ADAMTS4: variants seen among roughly 807,000 people sequenced by gnomAD.
ADAMTS4 encodes the protein ADAM metallopeptidase with thrombospondin type 1 motif 4.
ADAMTS4 carries 38 observed loss-of-function variants against 66.7 expected under a neutral mutation model. The ratio of observed to expected loss-of-function variants is 0.57; its 90% confidence interval spans 0.44 to 0.75. The LOEUF is 0.75. Ranked by LOEUF, ADAMTS4 falls within the 30% of genes least tolerant of loss-of-function variation. The probability of loss-of-function intolerance (pLI) is 0.00; values close to 1 mark genes in which losing one functional copy is unlikely to be tolerated. For missense variants in ADAMTS4, 1,014 were observed against 1,116.7 expected (o/e 0.91, Z 1.31); for synonymous variants, 418 against 461.5 (o/e 0.91, Z 1.21).
At position 161,191,239 on chromosome 1, in the gene ADAMTS4, G is replaced by A. The variant is rs1251786757; in HGVS notation, c.2413C>T (p.Pro805Ser). 9 of 1,613,466 alleles carry A rather than the reference G, an allele frequency of 5.6e-6. No individual in the cohort carries two copies. Among genetic ancestry groups the A allele is most frequent in the Non-Finnish European group, 6.8e-6 (8 of 1,179,786 alleles). Residue 805 changes from proline (P) to serine (S), a missense_variant, in exon 9 of 9, where the codon CCG becomes TCG. Pro to Ser is a moderately conservative substitution (Grantham distance 74). Transcript: ENST00000367996. ...RLRYSFFVPR[P>S]TPSTPRPTPQ... ...GTGGGGCGTGGCGTTGAAGGGGTCG[G>A]CCGGGGCACGAAGAAGCTGTATCGG...
At position 161,193,296 on chromosome 1, in the gene ADAMTS4, A is replaced by G; in HGVS notation, c.1828T>C (p.Tyr610His). ...FPGPMDWVPRYTGVAPQDQCK... is the reference protein window; with the variant it reads ...FPGPMDWVPRHTGVAPQDQCK... Reference sequence around the variant, plus strand: ...TGGTCCTGGGGGGCCACGCCTGTGTAGCGAGGAACCCAGTCCATGGGCCCT... The same window carrying G: ...TGGTCCTGGGGGGCCACGCCTGTGTGGCGAGGAACCCAGTCCATGGGCCCT... Residue 610 changes from tyrosine (Y) to histidine (H), a missense_variant, in exon 7 of 9, where the codon TAC becomes CAC. Tyr to His is a moderately conservative substitution (Grantham distance 83, BLOSUM62 2). Transcript: ENST00000367996. The surrounding 1 kb of genome is among the most constrained non-coding windows in gnomAD (Gnocchi z 4.4). The G allele has an allele frequency of 1.9e-6, 3 of 1,614,086 alleles. No homozygotes were observed. Among genetic ancestry groups the G allele is most frequent in the Non-Finnish European group, 2.5e-6 (3 of 1,179,998 alleles).
At position 161,193,244 on chromosome 1, in the gene ADAMTS4, G is replaced by A; in HGVS notation, c.1880C>T (p.Ala627Val). 1 of 1,613,932 alleles carries A rather than the reference G, an allele frequency of 6.2e-7. No individual in the cohort carries two copies. The highest frequency in any genetic ancestry group is 8.5e-7 in the Non-Finnish European group (1 of 1,179,952). ...DQCKLTCQAQ[A>V]LGYYYVLEPR... is the part of the protein sequence containing the mutation. ...CTCCAGCACATAGTAGTAGCCCAGT[G>A]CCTGGGCCTGGCAGGTGAGTTTGCA... The change falls in exon 7 of 9, where the codon GCA becomes GTA. Residue 627 changes from alanine to valine, a missense_variant. Transcript: ENST00000367996. This position sits in a 1 kb window ranked among gnomAD's most constrained non-coding sequence, Gnocchi z 4.4.
rs1664809330 is a variant in ADAMTS4, at chr1:161,195,871, C to A, written c.1091-236G>T. On this transcript the variant is annotated intron_variant, in intron 3 of 8. Transcript: ENST00000367996. ...CCTCCCTACCCACTTTTCCTTATAG[C>A]CAACATTCCCAACTGTGACCCCACC... 2.5e-5 allele frequency: 14 copies of A among 558,438 alleles called. No homozygotes were observed. In the South Asian group the frequency reaches 3.4e-4, roughly 14 times the overall value. The allele number at this position is 558,438 out of a possible 1,614,324, so 34.6% of individuals were successfully genotyped here.
rs373890294 is a variant in ADAMTS4, at chr1:161,188,883, A to AATATATATATATATATATATATACC, written c.*2254_*2255insGGTATATATATATATATATATATAT. On this transcript the variant is annotated 3_prime_UTR_variant, in exon 9 of 9. Coordinates refer to ENST00000367996, the MANE Select transcript of ADAMTS4 (RefSeq NM_005099.6). ...TAGGCACCTGTCACCATGCCCGGCT[A>AATATATATATATATATATATATACC]ATATATATATATATATATATATATA... 2.3e-4 allele frequency: 16 copies of AATATATATATATATATATATATACC among 68,320 alleles called. 1 individual carries two copies. Among genetic ancestry groups the AATATATATATATATATATATATACC allele is most frequent in the African/African-American group, 8.4e-4 (16 of 19,160 alleles). The allele number at this position is 68,320 out of a possible 1,614,324, so 4.2% of individuals were successfully genotyped here. A position where few individuals can be genotyped will look rare whatever the true frequency, so the allele number is the denominator to read the frequency against.
chr1:161,188,777 G>A lies in ADAMTS4; in HGVS notation c.*2361C>T, dbSNP rs1235517184. ...CTGTCTCCCAGGCTGGAGTGCAGTG[G>A]CGCAATCTCGACTCACTGTAAGCTC... is the stretch of plus-strand genomic sequence containing the variant. On this transcript the variant is annotated 3_prime_UTR_variant, in exon 9 of 9. Transcript: ENST00000367996. The A allele has an allele frequency of 6.7e-6, 1 of 149,566 alleles. No individual in the cohort carries two copies. Among genetic ancestry groups the A allele is most frequent in the African/African-American group, 2.5e-5 (1 of 40,582 alleles). The allele number at this position is 149,566 out of a possible 1,614,324, so 9.3% of individuals were successfully genotyped here.
chr1:161,191,715 C>T (rs950656020), intron 8 of ADAMTS4, 151 bp from the exon 9 acceptor site: 68 of 817,982 alleles, frequency 8.3e-5, no homozygotes, highest in Non-Finnish European at 4.9e-5. Flanking sequence ...GAGCTACATG[C>T]ACATGTGCCC....
chr1:161,184,649 T>C lies in ADAMTS4; in HGVS notation c.*6489A>G, dbSNP rs958947794. 1.3e-5 allele frequency: 2 copies of C among 152,192 alleles called. No individual in the cohort carries two copies. The highest frequency in any genetic ancestry group is 4.8e-5 in the African/African-American group (2 of 41,442). The allele number at this position is 152,192 out of a possible 1,614,324, so 9.4% of individuals were successfully genotyped here. On this transcript the variant is annotated 3_prime_UTR_variant, in exon 9 of 9. Coordinates refer to ENST00000367996, the MANE Select transcript of ADAMTS4 (RefSeq NM_005099.6). ...CACGATTAGGTCAATTAATATCTTT[T>C]ACTCTTCAGATCCATTTTCAGGTGA...
Position 161,191,106 on chromosome 1 carries a change from G to T in ADAMTS4, c.*32C>A. ...TTCTCCCAGCTAAGTCCGAGGCCCC[G>T]GTGCCCAGAAAGGGCAGCCGGGATA... is the stretch of plus-strand genomic sequence containing the variant. On this transcript the variant is annotated 3_prime_UTR_variant, in exon 9 of 9. Transcript: ENST00000367996. 1 of 1,514,914 alleles carries T rather than the reference G, an allele frequency of 6.6e-7. No individual in the cohort carries two copies. 93.8% of individuals were successfully genotyped at this position (1,514,914 alleles called of 1,614,324 possible).
intron 8 of ADAMTS4, 110 bp from the exon 9 acceptor site, chr1:161,191,674 C>A: frequency 1.8e-6 from 2 of 1,142,750 alleles, no homozygotes; most frequent in South Asian, 1.5e-5. Context: ...GGCTGTCACC[C>A]AATCCTATGT....
rs1309645427 is a variant in ADAMTS4 at position 161,198,857 on chromosome 1, C to G, written c.-230G>C. The G allele has an allele frequency of 1.1e-5, 5 of 465,236 alleles. No individual in the cohort carries two copies. Among genetic ancestry groups the G allele is most frequent in the Non-Finnish European group, 1.9e-5 (5 of 264,848 alleles). 28.8% of individuals were successfully genotyped at this position (465,236 alleles called of 1,614,324 possible). A position where few individuals can be genotyped will look rare whatever the true frequency, so the allele number is the denominator to read the frequency against. ...GCTTCTCCAAACTCTCCTCCTGAGC[C>G]CTCCTTTCCTGGATCTTTGTCTCTC... On this transcript the variant is annotated 5_prime_UTR_variant, in exon 1 of 9. Transcript: ENST00000367996. The surrounding 1 kb of genome is among the most constrained non-coding windows in gnomAD (Gnocchi z 4.7).
intron 8 of ADAMTS4, 30 bp from the exon 9 acceptor site, chr1:161,191,594 G>C (rs1370427230): frequency 1.3e-6 from 2 of 1,572,742 alleles, no homozygotes; most frequent in South Asian, 2.3e-5. Context: ...GGGGAGCTCA[G>C]GATCACCTGA....
At position 161,191,249 on chromosome 1, in the gene ADAMTS4, G is replaced by C; in HGVS notation, c.2403C>G (p.Phe801Leu). Residue 801 changes from phenylalanine to leucine, a missense_variant, in exon 9 of 9, where the codon TTC becomes TTG. Physicochemically the swap from Phe to Leu is conservative, Grantham distance 22. Coordinates refer to ENST00000367996, the MANE Select transcript of ADAMTS4 (RefSeq NM_005099.6). ...PQDTRLRYSF[F>L]VPRPTPSTPR... ...GCGTTGAAGGGGTCGGCCGGGGCAC[G>C]AAGAAGCTGTATCGGAGGCGTGTGT... is the stretch of plus-strand genomic sequence containing the variant. 6.2e-7 allele frequency: 1 copy of C among 1,613,666 alleles called. No individual in the cohort carries two copies. Among genetic ancestry groups the C allele is most frequent in the Non-Finnish European group, 8.5e-7 (1 of 1,179,906 alleles).
At position 161,198,393 on chromosome 1, in the gene ADAMTS4, C is replaced by T; in HGVS notation, c.235G>A (p.Ala79Thr). The change falls in exon 1 of 9, where the codon GCC becomes ACC. Residue 79 changes from alanine (A) to threonine (T), a missense_variant. By Grantham distance (58) the Ala-to-Thr change is moderately conservative. Coordinates refer to ENST00000367996, the MANE Select transcript of ADAMTS4 (RefSeq NM_005099.6). The surrounding 1 kb of genome is among the most constrained non-coding windows in gnomAD (Gnocchi z 4.7). ...GSVLPGSGAPARLLCRLQAFG... is the reference protein window; with the variant it reads ...GSVLPGSGAPTRLLCRLQAFG... Reference sequence around the variant, plus strand: ...GCCTGCAAGCGGCACAACAGCCTGGCAGGGGCGCCCGAGCCAGGCAGGACG... The same window carrying T: ...GCCTGCAAGCGGCACAACAGCCTGGTAGGGGCGCCCGAGCCAGGCAGGACG... The T allele has an allele frequency of 1.2e-6, 2 of 1,609,964 alleles. No homozygotes were observed. The highest frequency in any genetic ancestry group is 1.1e-5 in the South Asian group (1 of 90,720).
In ADAMTS4 at chr1:161,188,930, G is replaced by A. The variant is rs1664599645; in HGVS notation, c.*2208C>T. ...TATATTTTGTATTTTTAGTAGACAC[G>A]GGGTTTCACTGTGGTAGCCAGGATG... On this transcript the variant is annotated 3_prime_UTR_variant, in exon 9 of 9. Coordinates refer to ENST00000367996, the MANE Select transcript of ADAMTS4 (RefSeq NM_005099.6). 1 of 97,196 alleles carries A rather than the reference G, an allele frequency of 1.0e-5. No individual in the cohort carries two copies. The highest frequency in any genetic ancestry group is 4.3e-4 in the East Asian group (1 of 2,302). The allele number at this position is 97,196 out of a possible 1,614,324, so 6.0% of individuals were successfully genotyped here. A position where few individuals can be genotyped will look rare whatever the true frequency, so the allele number is the denominator to read the frequency against.
chr1:161,196,476 C>A, intron 2 of ADAMTS4, 81 bp downstream of exon 2: 1 of 1,527,760 alleles, frequency 6.5e-7, no homozygotes, highest in Non-Finnish European at 8.9e-7. Context: ...ACTCCAGGAA[C>A]ATCATTTGCA....
rs1464936450 is a variant in ADAMTS4, at chr1:161,190,520, A to AG, written c.*617_*618insC. On this transcript the variant is annotated 3_prime_UTR_variant, in exon 9 of 9. Coordinates refer to ENST00000367996, the MANE Select transcript of ADAMTS4 (RefSeq NM_005099.6). ...AGAGCGAGATTCTGTCTCAAAAAAA[A>AG]AAAAGAAAGAAAGAAAGAAAAAAAA... 1 of 150,198 alleles carries AG rather than the reference A, an allele frequency of 6.7e-6. No homozygotes were observed. The highest frequency in any genetic ancestry group is 1.5e-5 in the Non-Finnish European group (1 of 67,318). The allele number at this position is 150,198 out of a possible 1,614,324, so 9.3% of individuals were successfully genotyped here. A position where few individuals can be genotyped will look rare whatever the true frequency, so the allele number is the denominator to read the frequency against.
At position 161,190,333 on chromosome 1, in the gene ADAMTS4, G is replaced by A. The variant is rs1664632782; in HGVS notation, c.*805C>T. 6.6e-6 allele frequency: 1 copy of A among 150,404 alleles called. No homozygotes were observed. Among genetic ancestry groups the A allele is most frequent in the African/African-American group, 2.5e-5 (1 of 40,720 alleles). 9.3% of individuals were successfully genotyped at this position (150,404 alleles called of 1,614,324 possible). A position where few individuals can be genotyped will look rare whatever the true frequency, so the allele number is the denominator to read the frequency against. The stretch of plus-strand genomic sequence containing the variant: ...ATTCCAGCCCTGGTGACAATAGCGA[G>A]ACTCTGTCTCCAAACAAAACAAAAC... On this transcript the variant is annotated 3_prime_UTR_variant, in exon 9 of 9. Coordinates refer to ENST00000367996, the MANE Select transcript of ADAMTS4 (RefSeq NM_005099.6).
intron 8 of ADAMTS4, among the ~76,000 whole-genome samples, 179 bp from the exon 9 acceptor site, chr1:161,191,743 G>A (rs887071655): frequency 2.6e-5 from 4 of 152,082 alleles, no homozygotes; most frequent in African/African-American, 9.7e-5. Flanking sequence ...TCTTATCTCT[G>A]GACCTTTACA....
Position 161,188,199 on chromosome 1 carries a change from G to C in ADAMTS4, c.*2939C>G, listed in dbSNP as rs1558071469. Reference sequence around the variant, plus strand: ...TTGAACCTCAGCCTCCCAAAGTGCTGAGATTACAGGTGTGAGCCACCATGC... The same window carrying C: ...TTGAACCTCAGCCTCCCAAAGTGCTCAGATTACAGGTGTGAGCCACCATGC... On this transcript the variant is annotated 3_prime_UTR_variant, in exon 9 of 9. Coordinates refer to ENST00000367996, the MANE Select transcript of ADAMTS4 (RefSeq NM_005099.6). 1 of 142,914 alleles carries C rather than the reference G, an allele frequency of 7.0e-6. No individual in the cohort carries two copies. The highest frequency in any genetic ancestry group is 2.1e-4 in the East Asian group (1 of 4,786). 8.9% of individuals were successfully genotyped at this position (142,914 alleles called of 1,614,324 possible). A position where few individuals can be genotyped will look rare whatever the true frequency, so the allele number is the denominator to read the frequency against.
Sources: gnomAD v4.1 joint callset for allele counts (sites outside exome capture counted in the v4.1 genomes callset) on GRCh38, gnomAD v4.1.1 for gene constraint, Gnocchi (gnomAD v3.1) non-coding constraint, MANE v1.5 for transcripts, NCBI Gene and HGNC (gene_info 2026-07-23, HGNC 2026-07-21) for gene names.